SMIM13: variants seen among roughly 807,000 people sequenced by gnomAD.
SMIM13 encodes the protein UPF0766 protein C6orf228.
A neutral mutation model predicts 5.9 loss-of-function variants in SMIM13; 3 were observed. The ratio of observed to expected loss-of-function variants is 0.51; its 90% CI spans 0.23 to 1.31. SMIM13 has a LOEUF of 1.31. Ranked by LOEUF, SMIM13 falls within the 40% of genes most tolerant of loss-of-function variation. SMIM13 has a pLI of 0.18. For missense variants in SMIM13, 85 were observed against 109.9 expected, an observed-to-expected ratio of 0.77 and a Z score of 1.01; for synonymous variants, 55 against 46.0, an observed-to-expected ratio of 1.19 and a Z score of -0.79.
rs1758499170 is a variant in SMIM13 at position 11,134,828 on chromosome 6, A to T, written c.*226A>T. 5.7e-6 allele frequency: 2 copies of T among 348,254 alleles called. No homozygotes were observed. Among genetic ancestry groups the T allele is most frequent in the Non-Finnish European group, 5.1e-6 (1 of 195,988 alleles). 21.6% of individuals were successfully genotyped at this position (348,254 alleles called of 1,614,324 possible). On this transcript the variant is annotated 3_prime_UTR_variant, in exon 2 of 2. Coordinates refer to ENST00000416247, the MANE Select transcript of SMIM13 (RefSeq NM_001135575.2). ...TTTGTTTCACCAGCTTTCTACTTAT[A>T]CACTTATTCCTTGGCTTTTGGGCTT...
chr6:11,094,963 G>C (rs1363110813), intron 1 of SMIM13, among the ~76,000 whole-genome samples: 1 of 152,180 alleles, frequency 6.6e-6, no homozygotes, highest in African/African-American at 2.4e-5. Context: ...TAATAATGGT[G>C]CTATTTCGAA....
chr6:11,109,403 C>G (rs1758136865), intron 1 of SMIM13, among the ~76,000 whole-genome samples: 1 of 152,100 alleles, frequency 6.6e-6, no homozygotes, highest in African/African-American at 2.4e-5. Context: ...GAGGATGGCC[C>G]TGGGTAGGGA....
At chr6:11,117,339 ATTTTTTT>A (rs34219527) in intron 1 of SMIM13, among the ~76,000 whole-genome samples, 1 of 133,048 alleles carries the variant, frequency 7.5e-6, no homozygotes, top group Non-Finnish European at 1.6e-5. Flanking sequence ...AATTTTTTGT[ATTTTTTT>A]TTTTTTTTTT....
intron 1 of SMIM13, among the ~76,000 whole-genome samples, chr6:11,098,532 A>G (rs982753117): frequency 3.3e-5 from 5 of 152,194 alleles, no homozygotes; most frequent in African/African-American, 1.2e-4. Context: ...CCTGGGTCTA[A>G]GTGATTCTCC....
intron 1 of SMIM13, among the ~76,000 whole-genome samples, chr6:11,116,276 C>T (rs1222793907): frequency 1.3e-5 from 2 of 152,182 alleles, no homozygotes; most frequent in African/African-American, 4.8e-5. Flanking sequence ...ACCTCAGCTT[C>T]CCAAAGTGCT....
chr6:11,133,716 ACTC>A (rs1758480755), intron 1 of SMIM13, among the ~76,000 whole-genome samples: 2 of 149,472 alleles, frequency 1.3e-5, no homozygotes, highest in South Asian at 4.2e-4. Flanking sequence ...AACCTTTACT[ACTC>A]CTTGCAAAAA....
intron 1 of SMIM13, among the ~76,000 whole-genome samples, chr6:11,129,084 G>T (rs1758417550): frequency 6.6e-6 from 1 of 151,538 alleles, no homozygotes; most frequent in Non-Finnish European, 1.5e-5. Context: ...GGAGCGGGGG[G>T]GGGATGATCA....
chr6:11,116,742 A>G (rs1389540590), intron 1 of SMIM13, among the ~76,000 whole-genome samples: 1 of 152,040 alleles, frequency 6.6e-6, no homozygotes, highest in Non-Finnish European at 1.5e-5. Flanking sequence ...GCCTGACTAG[A>G]GGTTTATAAA....
In SMIM13 at chr6:11,111,190, G is replaced by A. The variant is rs140459925; in HGVS notation, c.76+16801G>A. Among the ~76,000 whole-genome samples, 894 of 152,270 alleles carry A rather than the reference G, an allele frequency of 5.9e-3. 3 individuals are homozygous for A. Among genetic ancestry groups the A allele is most frequent in the South Asian group, 0.024 (115 of 4,814 alleles). ...GCTGCGGGTGCATGAATAACAAATA[G>A]GGAATGTGTGTTTAAGGCAGAGAAG... On this transcript the variant is annotated intron_variant, in intron 1 of 1. Coordinates refer to ENST00000416247, the MANE Select transcript of SMIM13 (RefSeq NM_001135575.2).
intron 1 of SMIM13, chr6:11,103,128 T>TGGA (rs1042797550): frequency 6.5e-6 from 1 of 152,686 alleles, no homozygotes; most frequent in Non-Finnish European, 1.5e-5. Context: ...ACGTGTTCAC[T>TGGA]GGAGGAGTTT....
chr6:11,112,237 GCCT>G (rs1283533922), intron 1 of SMIM13, among the ~76,000 whole-genome samples: 2 of 151,512 alleles, frequency 1.3e-5, no homozygotes, highest in Non-Finnish European at 1.5e-5. Context: ...TAACCTAATG[GCCT>G]CCTGATAGAA....
At position 11,094,306 on chromosome 6, in the gene SMIM13, C is replaced by T; in HGVS notation, c.-8C>T. 7.4e-6 allele frequency: 11 copies of T among 1,479,086 alleles called. No individual in the cohort carries two copies. The highest frequency in any genetic ancestry group is 9.9e-6 in the Non-Finnish European group (11 of 1,111,104). The allele number at this position is 1,479,086 out of a possible 1,614,324, so 91.6% of individuals were successfully genotyped here. On this transcript the variant is annotated 5_prime_UTR_variant, in exon 1 of 2. Coordinates refer to ENST00000416247, the MANE Select transcript of SMIM13 (RefSeq NM_001135575.2). ...CCGCCCCGAGCCGACTGCCCTTCTG[C>T]CCCCAAGATGTGGCACAGCGTCGGG...
chr6:11,104,136 A>T (rs771451877), intron 1 of SMIM13: 2 of 1,551,686 alleles, frequency 1.3e-6, no homozygotes, highest in South Asian at 1.2e-5. Context: ...CATGGTGTCA[A>T]TGTTGTTGGC....
intron 1 of SMIM13, among the ~76,000 whole-genome samples, chr6:11,094,799 G>T (rs1246789413): frequency 6.6e-6 from 1 of 152,158 alleles, no homozygotes; most frequent in Non-Finnish European, 1.5e-5. Flanking sequence ...TCATCAGCGA[G>T]TGGGGTAGAG....
rs1004708179 is a variant in SMIM13, at chr6:11,093,889, C to T, written c.-425C>T. 3 of 152,470 alleles carry T rather than the reference C, an allele frequency of 2.0e-5. No homozygotes were observed. In the East Asian group the frequency reaches 5.8e-4, roughly 29 times the overall value. 9.4% of individuals were successfully genotyped at this position (152,470 alleles called of 1,614,324 possible). On this transcript the variant is annotated 5_prime_UTR_variant, in exon 1 of 2. Coordinates refer to ENST00000416247, the MANE Select transcript of SMIM13 (RefSeq NM_001135575.2). The stretch of plus-strand genomic sequence containing the variant: ...CGCTGACATCTGGCATCCCTGGGGT[C>T]TCAGAGACACGGGTGGACAGCGACG...
At chr6:11,097,419 G>A (rs999922345) in intron 1 of SMIM13, among the ~76,000 whole-genome samples, 8 of 152,208 alleles carry the variant, frequency 5.3e-5, no homozygotes, top group African/African-American at 1.7e-4. Flanking sequence ...CCTTTGGAAG[G>A]CAGAGGCAGG....
In SMIM13 at chr6:11,135,393, A is replaced by G. The variant is rs765478056; in HGVS notation, c.*791A>G. ...TGCCTATCACACGCCAAGCAATGCA[A>G]TTGAAGGCAGGAGAAGTTGCCAAAA... On this transcript the variant is annotated 3_prime_UTR_variant, in exon 2 of 2. Coordinates refer to ENST00000416247, the MANE Select transcript of SMIM13 (RefSeq NM_001135575.2). The G allele has an allele frequency of 2.6e-5, 4 of 152,780 alleles. No homozygotes were observed. The highest frequency in any genetic ancestry group is 3.4e-3 in the Middle Eastern group (1 of 294). 9.5% of individuals were successfully genotyped at this position (152,780 alleles called of 1,614,324 possible). A position where few individuals can be genotyped will look rare whatever the true frequency, so the allele number is the denominator to read the frequency against.
chr6:11,137,565 G>T lies in SMIM13; in HGVS notation c.*2963G>T, dbSNP rs1371743850. ...GAATCTTGTCTAACCCCTCACAAAGGATGATGGTGATCAGCATGCCATCTT... is the reference window on the plus strand; with the variant it reads ...GAATCTTGTCTAACCCCTCACAAAGTATGATGGTGATCAGCATGCCATCTT... On this transcript the variant is annotated 3_prime_UTR_variant, in exon 2 of 2. Coordinates refer to ENST00000416247, the MANE Select transcript of SMIM13 (RefSeq NM_001135575.2). 1 of 152,002 alleles carries T rather than the reference G, an allele frequency of 6.6e-6. No homozygotes were observed. The highest frequency in any genetic ancestry group is 1.5e-5 in the Non-Finnish European group (1 of 67,976). 9.4% of individuals were successfully genotyped at this position (152,002 alleles called of 1,614,324 possible). A position where few individuals can be genotyped will look rare whatever the true frequency, so the allele number is the denominator to read the frequency against.
chr6:11,115,618 A>G (rs553888379), intron 1 of SMIM13, among the ~76,000 whole-genome samples: 2 of 152,160 alleles, frequency 1.3e-5, no homozygotes, highest in South Asian at 2.1e-4. Flanking sequence ...ACCAAATAAT[A>G]TAACCTAATA....
Sources: allele counts gnomAD v4.1 joint callset (sites outside exome capture counted in the v4.1 genomes callset), GRCh38; gene constraint gnomAD v4.1.1; transcripts MANE v1.5; gene names NCBI Gene and HGNC (gene_info 2026-07-23, HGNC 2026-07-21).